The following STPG1 variants were observed in gnomAD, a reference collection of about 807,000 sequenced individuals.
STPG1 encodes the protein sperm tail PG-rich repeat containing 1.
In STPG1, 33 loss-of-function variants were observed where a neutral mutation model predicts 40.1. The ratio of observed to expected loss-of-function variants is 0.82; its 90% CI spans 0.62 to 1.10. The LOEUF (loss-of-function observed/expected upper bound fraction) is 1.10, where lower values mean the gene tolerates loss of function less well. Among genes scored for constraint, STPG1 ranks in the 50% least tolerant of loss-of-function variants. STPG1 has a pLI of 0.00. For missense variants in STPG1, 396 were observed against 415.1 expected (o/e 0.95, Z 0.40); for synonymous variants, 150 against 155.0 (o/e 0.97, Z 0.24).
chr1:24,409,664 A>C lies in STPG1; in HGVS notation c.-69+4010T>G, dbSNP rs190888688. On this transcript the variant is annotated intron_variant, in intron 1 of 8. Coordinates refer to ENST00000337248, the MANE Select transcript of STPG1 (RefSeq NM_001199013.2). ...ATGCACCATTCTGAGGCATGTGATG[A>C]AATCTCCTATCGTCTGACTCCACCC... Among the ~76,000 whole-genome samples, 298 of 152,332 alleles carry C rather than the reference A, an allele frequency of 2.0e-3. 1 individual carries two copies. The highest frequency in any genetic ancestry group is 0.017 in the South Asian group (82 of 4,826).
intron 2 of STPG1, chr1:24,391,886 C>T: frequency 7.7e-7 from 1 of 1,306,850 alleles, no homozygotes. Flanking sequence ...TTCCCCCCTC[C>T]AGCTCTTAAA....
At chr1:24,375,023 T>C (rs1641955822) in intron 5 of STPG1, among the ~76,000 whole-genome samples, 1 of 152,198 alleles carries the variant, frequency 6.6e-6, no homozygotes, top group Non-Finnish European at 1.5e-5. Flanking sequence ...CTTCTATAAA[T>C]GCAGCATTTG....
intron 3 of STPG1, among the ~76,000 whole-genome samples, chr1:24,386,217 T>C (rs1642497198): frequency 6.6e-6 from 1 of 152,246 alleles, no homozygotes; most frequent in South Asian, 2.1e-4. Context: ...GAAATTCTAA[T>C]TTAACTGGAC....
chr1:24,396,419 C>T (rs1643009099), intron 2 of STPG1, among the ~76,000 whole-genome samples: 1 of 152,168 alleles, frequency 6.6e-6, no homozygotes, highest in Non-Finnish European at 1.5e-5. Context: ...AAGCAATCCT[C>T]CTGCCTCAGC....
At position 24,413,708 on chromosome 1, in the gene STPG1, CA is replaced by C. The variant is rs1187569979; in HGVS notation, c.-104del. ...TCCCGGCAGCTGAATCTGGCCAGCCCAACCTCCCGGTCGCTATGGCACCCAC... is the reference window on the plus strand; with the variant it reads ...TCCCGGCAGCTGAATCTGGCCAGCCCACCTCCCGGTCGCTATGGCACCCAC... On this transcript the variant is annotated 5_prime_UTR_variant, in exon 1 of 9. Transcript: ENST00000337248. 2.6e-5 allele frequency: 4 copies of C among 152,306 alleles called. No individual in the cohort carries two copies. The highest frequency in any genetic ancestry group is 5.9e-5 in the Non-Finnish European group (4 of 68,106). The allele number at this position is 152,306 out of a possible 1,614,324, so 9.4% of individuals were successfully genotyped here. A position where few individuals can be genotyped will look rare whatever the true frequency, so the allele number is the denominator to read the frequency against.
At chr1:24,398,224 T>C (rs1352004429) in intron 2 of STPG1, among the ~76,000 whole-genome samples, 1 of 151,808 alleles carries the variant, frequency 6.6e-6, no homozygotes, top group African/African-American at 2.4e-5. Context: ...TCTGTATATC[T>C]TTTTTTTGGT....
intron 2 of STPG1, chr1:24,391,940 C>T (rs541019651): frequency 2.9e-5 from 33 of 1,145,618 alleles, no homozygotes; most frequent in Middle Eastern, 3.7e-4. Context: ...CAGGCTGTCC[C>T]GGAGAAAAGG....
chr1:24,401,867 A>G (rs898192380), intron 1 of STPG1, among the ~76,000 whole-genome samples: 1 of 151,916 alleles, frequency 6.6e-6, no homozygotes, highest in Non-Finnish European at 1.5e-5. Flanking sequence ...TTGTATTTTT[A>G]GCAGAGATGG....
intron 1 of STPG1, among the ~76,000 whole-genome samples, chr1:24,401,976 C>T (rs1308932539): frequency 1.3e-5 from 2 of 152,124 alleles, no homozygotes; most frequent in Admixed American, 6.5e-5. Context: ...TGTGAGCCAC[C>T]ATGCCTGGCC....
intron 6 of STPG1, among the ~76,000 whole-genome samples, chr1:24,371,382 G>A (rs1641731244): frequency 6.6e-6 from 1 of 152,108 alleles, no homozygotes; most frequent in Non-Finnish European, 1.5e-5. Context: ...GAGGTCAGGA[G>A]TTTGAGACCA....
At chr1:24,393,378 GT>G (rs1166939659) in intron 2 of STPG1, among the ~76,000 whole-genome samples, 1 of 152,200 alleles carries the variant, frequency 6.6e-6, no homozygotes, top group Non-Finnish European at 1.5e-5. Flanking sequence ...GAATGGCTAT[GT>G]TTTTGGTTTG....
At chr1:24,407,565 G>A (rs1305845681) in intron 1 of STPG1, among the ~76,000 whole-genome samples, 1 of 151,476 alleles carries the variant, frequency 6.6e-6, no homozygotes, top group Admixed American at 6.6e-5. Flanking sequence ...TCAGCCTCCC[G>A]AGTAGCTGGG....
intron 3 of STPG1, among the ~76,000 whole-genome samples, chr1:24,390,875 A>G (rs988877092): frequency 1.6e-4 from 17 of 103,782 alleles, no homozygotes; most frequent in African/African-American, 4.1e-4. Flanking sequence ...TCTTGGTTCA[A>G]TGCAGCCTCG....
At chr1:24,358,715 C>A in intron 8 of STPG1, 96 bp from the exon 9 acceptor site, 1 of 888,856 alleles carries the variant, frequency 1.1e-6, no homozygotes, top group Non-Finnish European at 1.8e-6. Flanking sequence ...GCCTGGGGAC[C>A]CCTGTGCCAG....
chr1:24,383,043 C>T (rs1355230975), intron 4 of STPG1, among the ~76,000 whole-genome samples: 1 of 151,932 alleles, frequency 6.6e-6, no homozygotes, highest in African/African-American at 2.4e-5. Context: ...TCCCGAGTAG[C>T]TGGGACTATC....
chr1:24,369,867 A>C, intron 6 of STPG1, 28 bp from the exon 7 acceptor site: 1 of 1,560,270 alleles, frequency 6.4e-7, no homozygotes, highest in Non-Finnish European at 8.7e-7. Context: ...TTAGGACAGA[A>C]TAAGGAACTC....
At chr1:24,397,070 C>T (rs1003314922) in intron 2 of STPG1, among the ~76,000 whole-genome samples, 3 of 152,052 alleles carry the variant, frequency 2.0e-5, no homozygotes, top group Admixed American at 2.0e-4. Context: ...AAAAATATTA[C>T]CTGCAATAAA....
intron 1 of STPG1, among the ~76,000 whole-genome samples, chr1:24,408,995 C>A (rs903223896): frequency 6.6e-6 from 1 of 152,064 alleles, no homozygotes; most frequent in Non-Finnish European, 1.5e-5. Context: ...TTAAGAGATT[C>A]AAAATAACAG....
At chr1:24,410,996 C>T (rs1643599460) in intron 1 of STPG1, among the ~76,000 whole-genome samples, 1 of 152,178 alleles carries the variant, frequency 6.6e-6, no homozygotes, top group Admixed American at 6.5e-5. Flanking sequence ...CTATTTCCTC[C>T]TCCATAAACT....
Sources: gnomAD v4.1 joint callset for allele counts (sites outside exome capture counted in the v4.1 genomes callset) on GRCh38, gnomAD v4.1.1 for gene constraint, MANE v1.5 for transcripts, NCBI Gene and HGNC (gene_info 2026-07-23, HGNC 2026-07-21) for gene names.